Variants in RBFOX1 observed in about 807,000 individuals in gnomAD.
RBFOX1 encodes the protein RNA binding fox-1 homolog 1, also known as RNA binding protein fox-1 homolog 1.
In RBFOX1, 8 loss-of-function variants were observed where a neutral mutation model predicts 57.7. The ratio of observed to expected loss-of-function variants is 0.14; its 90% CI spans 0.08 to 0.25. RBFOX1 has a LOEUF of 0.25. Ranked by LOEUF, RBFOX1 falls within the 10% of genes least tolerant of loss-of-function variation. The pLI, the probability that RBFOX1 is intolerant of heterozygous loss-of-function variation, is 1.00. For synonymous variants in RBFOX1, 326 were observed against 222.4 expected (o/e 1.47, Z -4.15); for missense variants, 611 against 548.5 (o/e 1.11, Z -1.14).
rs538297914 is a variant in RBFOX1 at position 7,615,311 on chromosome 16, C to G, written c.676+7973C>G. Among the ~76,000 whole-genome samples the G allele has an allele frequency of 4.7e-5, 7 of 149,204 alleles. No individual in the cohort carries two copies. The East Asian group carries it at 1.4e-3, about 29-fold the overall frequency. On this transcript the variant is annotated intron_variant, in intron 10 of 15. Coordinates refer to ENST00000550418, the MANE Select transcript of RBFOX1 (RefSeq NM_018723.4). ...TCGTGCCACTGCACTCCAGCCTGGG[C>G]AATAGAGCAAGACTCCATCTCAAAA...
chr16:5,537,113 G>A (rs184432258), intron 2 of RBFOX1, among the ~76,000 whole-genome samples: 3 of 152,142 alleles, frequency 2.0e-5, no homozygotes, highest in Non-Finnish European at 2.9e-5. Context: ...GTCTGTTCAT[G>A]TTGATTTAGG....
chr16:6,671,131 T>G (rs2098762202), intron 3 of RBFOX1, among the ~76,000 whole-genome samples: 1 of 152,244 alleles, frequency 6.6e-6, no homozygotes, highest in Non-Finnish European at 1.5e-5. Context: ...TACTCATTAT[T>G]TCTTATTATT....
chr16:6,423,932 T>C (rs1597045692), intron 2 of RBFOX1, among the ~76,000 whole-genome samples: 1 of 152,146 alleles, frequency 6.6e-6, no homozygotes, highest in East Asian at 1.9e-4. Context: ...TTTGGGCAAG[T>C]TGTCCTTGTA....
chr16:5,372,184 G>T (rs28709505), intron 1 of RBFOX1, among the ~76,000 whole-genome samples: 19 of 152,318 alleles, frequency 1.2e-4, no homozygotes, highest in African/African-American at 4.6e-4. Flanking sequence ...TGATGGCTTA[G>T]GCGGGAGGCA....
intron 3 of RBFOX1, among the ~76,000 whole-genome samples, chr16:6,714,360 G>C (rs1030541146): frequency 4.6e-5 from 7 of 152,172 alleles, no homozygotes; most frequent in African/African-American, 1.4e-4. Context: ...GTTCATGGTG[G>C]TGGTGGTAGA....
chr16:7,079,550 G>C (rs562134069), intron 4 of RBFOX1, among the ~76,000 whole-genome samples: 1 of 152,256 alleles, frequency 6.6e-6, no homozygotes, highest in African/African-American at 2.4e-5. Flanking sequence ...GTATTTAGAG[G>C]TGGTGTCACA....
intron 1 of RBFOX1, among the ~76,000 whole-genome samples, chr16:6,255,113 A>T (rs1399062681): frequency 6.6e-6 from 1 of 152,060 alleles, no homozygotes; most frequent in Non-Finnish European, 1.5e-5. Context: ...GGCTGGGGAG[A>T]GAGATAAACA....
At chr16:6,990,678 T>C (rs563833410) in intron 3 of RBFOX1, among the ~76,000 whole-genome samples, 1 of 152,284 alleles carries the variant, frequency 6.6e-6, no homozygotes, top group East Asian at 1.9e-4. Context: ...AAAGCCGTGA[T>C]CAGTTTTGCA....
At chr16:7,037,346 C>G (rs565824917) in intron 3 of RBFOX1, among the ~76,000 whole-genome samples, 5 of 145,832 alleles carry the variant, frequency 3.4e-5, no homozygotes, top group Admixed American at 7.1e-5. Flanking sequence ...GGTTCAAGAG[C>G]TTCTCCTGCC....
At chr16:6,115,098 TA>T (rs113100548) in intron 1 of RBFOX1, among the ~76,000 whole-genome samples, 4,839 of 152,210 alleles carry the variant, frequency 0.032, 242 homozygotes, top group African/African-American at 0.11. Flanking sequence ...TAAACTATCA[TA>T]ACACTAGTGT....
chr16:7,392,836 GTTGTT>G (rs1568594340), intron 4 of RBFOX1, among the ~76,000 whole-genome samples: 10 of 145,602 alleles, frequency 6.9e-5, no homozygotes, highest in South Asian at 2.2e-4. Context: ...TTGGTTTTTT[GTTGTT>G]TTGGTTTGGT....
At chr16:6,446,048 T>G (rs1418813351) in intron 2 of RBFOX1, among the ~76,000 whole-genome samples, 2 of 152,136 alleles carry the variant, frequency 1.3e-5, no homozygotes, top group East Asian at 3.9e-4. Context: ...CACTTCAGCC[T>G]TCAACTTCTG....
chr16:7,381,589 G>A (rs1568525395), intron 4 of RBFOX1, among the ~76,000 whole-genome samples: 2 of 151,884 alleles, frequency 1.3e-5, no homozygotes, highest in South Asian at 2.1e-4. Context: ...TGGCATTGGT[G>A]CCTGTTCTTT....
intron 2 of RBFOX1, among the ~76,000 whole-genome samples, chr16:5,595,794 A>T (rs368159561): frequency 1.3e-5 from 2 of 152,212 alleles, no homozygotes; most frequent in South Asian, 4.1e-4. Flanking sequence ...AAATAGGGAC[A>T]CACGGGATTG....
chr16:5,869,175 G>T (rs531999520), intron 4 of RBFOX1, among the ~76,000 whole-genome samples: 1 of 152,134 alleles, frequency 6.6e-6, no homozygotes, highest in East Asian at 1.9e-4. Flanking sequence ...TGGGTGTTCA[G>T]TAAATATTAG....
intron 4 of RBFOX1, among the ~76,000 whole-genome samples, chr16:7,108,001 G>A (rs550635594): frequency 6.7e-6 from 1 of 149,870 alleles, no homozygotes; most frequent in South Asian, 2.2e-4. Context: ...GAAAAAGGGG[G>A]ATGACAGTGA....
At chr16:7,610,016 C>A (rs1014850868) in intron 10 of RBFOX1, among the ~76,000 whole-genome samples, 7 of 150,872 alleles carry the variant, frequency 4.6e-5, no homozygotes, top group Admixed American at 4.0e-4. Context: ...TGGGGTTTCA[C>A]CCTGTTAGCC....
At position 7,548,655 on chromosome 16, in the gene RBFOX1, C is replaced by G. The variant is rs549402060; in HGVS notation, c.270+30266C>G. Among the ~76,000 whole-genome samples, 5 of 152,276 alleles carry G rather than the reference C, an allele frequency of 3.3e-5. No individual in the cohort carries two copies. In the East Asian group the frequency reaches 5.8e-4, roughly 18 times the overall value. ...GGAGCGGGGGGGCAGTCAAACAAGT[C>G]CAAAGCTTCTCGCCTCCAGCCAGTT... is the stretch of plus-strand genomic sequence containing the variant. On this transcript the variant is annotated intron_variant, in intron 5 of 15. Transcript: ENST00000550418.
intron 1 of RBFOX1, among the ~76,000 whole-genome samples, chr16:5,416,694 C>A (rs909236011): frequency 6.7e-6 from 1 of 149,354 alleles, no homozygotes. Flanking sequence ...TTTTTTTTTC[C>A]TCTGGTCGTC....
Sources: allele counts gnomAD v4.1 joint callset (sites outside exome capture counted in the v4.1 genomes callset), GRCh38; gene constraint gnomAD v4.1.1; transcripts MANE v1.5; gene names NCBI Gene and HGNC (gene_info 2026-07-23, HGNC 2026-07-21).